The following RUNDC3B variants were observed in gnomAD, a reference collection of about 807,000 sequenced individuals.
The protein encoded by RUNDC3B is RUN domain containing 3B, also known as RUN domain-containing protein 3B.
A neutral mutation model predicts 58.4 loss-of-function variants in RUNDC3B; 33 were observed. That is an observed-to-expected ratio of 0.56 (90% CI 0.43 to 0.75). The LOEUF (loss-of-function observed/expected upper bound fraction) is 0.75, where lower values mean the gene tolerates loss of function less well. Among genes scored for constraint, RUNDC3B ranks in the 30% least tolerant of loss-of-function variants. The pLI is 0.00. For missense variants in RUNDC3B, 501 were observed against 535.7 expected (o/e 0.94, Z 0.64); for synonymous variants, 193 against 195.2 (o/e 0.99, Z 0.10).
intron 8 of RUNDC3B, among the ~76,000 whole-genome samples, chr7:87,795,655 A>G (rs941306835): frequency 2.0e-5 from 3 of 151,794 alleles, no homozygotes; most frequent in Admixed American, 6.6e-5. Flanking sequence ...AGGCAAGTGG[A>G]TCACCTGAGG....
intron 2 of RUNDC3B, among the ~76,000 whole-genome samples, chr7:87,679,011 G>A (rs528335570): frequency 8.0e-5 from 12 of 149,364 alleles, no homozygotes; most frequent in African/African-American, 2.7e-4. Context: ...AGTAGATCAA[G>A]TAAACAGAAA....
intron 3 of RUNDC3B, among the ~76,000 whole-genome samples, chr7:87,705,001 G>C (rs1392113981): frequency 6.6e-6 from 1 of 152,164 alleles, no homozygotes; most frequent in Non-Finnish European, 1.5e-5. Context: ...CACTAAATTT[G>C]CCTGGTGAAC....
At chr7:87,682,464 G>A (rs1464637523) in intron 2 of RUNDC3B, among the ~76,000 whole-genome samples, 1 of 152,166 alleles carries the variant, frequency 6.6e-6, no homozygotes, top group Non-Finnish European at 1.5e-5. Flanking sequence ...TTTTTCAATA[G>A]TAAGACTTGG....
At chr7:87,641,194 G>A (rs1478428643) in intron 1 of RUNDC3B, among the ~76,000 whole-genome samples, 2 of 152,096 alleles carry the variant, frequency 1.3e-5, no homozygotes, top group South Asian at 2.1e-4. Flanking sequence ...TTGTGTCAAA[G>A]TATTCATAAG....
chr7:87,800,031 C>G (rs1468286767), intron 8 of RUNDC3B, among the ~76,000 whole-genome samples: 2 of 152,058 alleles, frequency 1.3e-5, no homozygotes, highest in Non-Finnish European at 2.9e-5. Context: ...TCCTCATAGC[C>G]CAAGGGCTTT....
At chr7:87,634,086 A>C (rs1035670973) in intron 1 of RUNDC3B, among the ~76,000 whole-genome samples, 1 of 151,908 alleles carries the variant, frequency 6.6e-6, no homozygotes, top group African/African-American at 2.4e-5. Context: ...TTATCAACCT[A>C]CTCTTCTAGG....
chr7:87,766,650 T>TTA (rs1833994340), intron 6 of RUNDC3B, among the ~76,000 whole-genome samples: 1 of 152,114 alleles, frequency 6.6e-6, no homozygotes, highest in African/African-American at 2.4e-5. Context: ...GGAAATTCTT[T>TTA]TATTTCTTTT....
chr7:87,784,091 T>C (rs1172127482), intron 8 of RUNDC3B, among the ~76,000 whole-genome samples: 2 of 152,220 alleles, frequency 1.3e-5, no homozygotes, highest in African/African-American at 4.8e-5. Context: ...AAGTTCACTT[T>C]AGTTCTTTCT....
intron 9 of RUNDC3B, among the ~76,000 whole-genome samples, chr7:87,810,687 A>G (rs1401694301): frequency 6.6e-6 from 1 of 152,146 alleles, no homozygotes; most frequent in African/African-American, 2.4e-5. Flanking sequence ...TCTCTTTACT[A>G]TGCTGTTTAT....
intron 8 of RUNDC3B, among the ~76,000 whole-genome samples, chr7:87,798,491 TCTAA>T (rs1328976137): frequency 2.0e-5 from 3 of 152,200 alleles, no homozygotes; most frequent in Admixed American, 6.5e-5. Flanking sequence ...CCCATTTTTG[TCTAA>T]CTGAGGCTCC....
chr7:87,740,864 C>T (rs1403467685), intron 5 of RUNDC3B, among the ~76,000 whole-genome samples: 1 of 152,034 alleles, frequency 6.6e-6, no homozygotes, highest in Admixed American at 6.6e-5. Flanking sequence ...CTAGCTCTGT[C>T]TAAATTTGTT....
rs534392165 is a variant in RUNDC3B at position 87,659,210 on chromosome 7, C to T, written c.238+8273C>T. ...TTTGGAATAACAGGAAGAAAGGATA[C>T]AGTAAACAAGAATATGGGTAAATAC... On this transcript the variant is annotated intron_variant, in intron 2 of 10. Transcript: ENST00000394654. The T allele has an allele frequency of 1.2e-3, 533 of 428,546 alleles. 1 individual carries two copies. Among genetic ancestry groups the T allele is most frequent in the Non-Finnish European group, 1.9e-3 (417 of 215,296 alleles). The allele number at this position is 428,546 out of a possible 1,614,324, so 26.5% of individuals were successfully genotyped here.
chr7:87,796,995 G>C (rs563213820), intron 8 of RUNDC3B, among the ~76,000 whole-genome samples: 1 of 152,214 alleles, frequency 6.6e-6, no homozygotes, highest in East Asian at 1.9e-4. Flanking sequence ...AGCTAATTTG[G>C]TTTGTAACCA....
intron 6 of RUNDC3B, among the ~76,000 whole-genome samples, chr7:87,742,613 T>G (rs1291672632): frequency 6.6e-6 from 1 of 151,918 alleles, no homozygotes; most frequent in Non-Finnish European, 1.5e-5. Context: ...GATAGATAGA[T>G]AGATAGATAT....
chr7:87,654,581 A>T (rs1823896150), intron 2 of RUNDC3B, among the ~76,000 whole-genome samples: 1 of 152,074 alleles, frequency 6.6e-6, no homozygotes, highest in Non-Finnish European at 1.5e-5. Flanking sequence ...TCAACTCAAA[A>T]TGCATTAAAT....
chr7:87,805,944 T>C (rs141537389), intron 8 of RUNDC3B, among the ~76,000 whole-genome samples: 199 of 152,352 alleles, frequency 1.3e-3, no homozygotes, highest in African/African-American at 4.6e-3. Context: ...CCTGTCAGTC[T>C]TAAAATTTTC....
At chr7:87,666,287 C>A (rs759246857) in intron 2 of RUNDC3B, among the ~76,000 whole-genome samples, 13 of 152,064 alleles carry the variant, frequency 8.5e-5, no homozygotes, top group Non-Finnish European at 1.8e-4. Context: ...GTGTATGCTT[C>A]CTTTGAAAAG....
intron 2 of RUNDC3B, among the ~76,000 whole-genome samples, chr7:87,663,723 A>G (rs1824943077): frequency 6.6e-6 from 1 of 152,182 alleles, no homozygotes; most frequent in African/African-American, 2.4e-5. Flanking sequence ...ATAACAAAAT[A>G]CTACATACTG....
intron 10 of RUNDC3B, among the ~76,000 whole-genome samples, chr7:87,821,909 TACATGTTAG>T (rs1363272886): frequency 6.6e-6 from 1 of 152,144 alleles, no homozygotes; most frequent in African/African-American, 2.4e-5. Context: ...ATTAAAGACT[TACATGTTAG>T]ACCTGAAACC....
Sources: allele counts gnomAD v4.1 joint callset (sites outside exome capture counted in the v4.1 genomes callset), GRCh38; gene constraint gnomAD v4.1.1; transcripts MANE v1.5; gene names NCBI Gene and HGNC (gene_info 2026-07-23, HGNC 2026-07-21).